Variants in TENT2 observed in about 807,000 individuals in gnomAD.
TENT2 encodes the protein poly(A) RNA polymerase GLD2.
Under a neutral mutation model 72.2 loss-of-function variants are expected in TENT2, and 44 were observed. The observed-to-expected ratio is 0.61, with a 90% confidence interval of 0.48 to 0.78. The LOEUF is 0.78. Among genes scored for constraint, TENT2 ranks in the 30% least tolerant of loss-of-function variants. TENT2 has a pLI of 0.00. For missense variants in TENT2, 541 were observed against 569.6 expected (o/e 0.95, Z 0.51); for synonymous variants, 212 against 192.5 (o/e 1.10, Z -0.84).
At chr5:79,652,452 G>A (rs1580457742) in intron 10 of TENT2, among the ~76,000 whole-genome samples, 1 of 151,934 alleles carries the variant, frequency 6.6e-6, no homozygotes, top group Admixed American at 6.6e-5. Context: ...AGGGTTATTT[G>A]TGGACAGTTT....
At chr5:79,663,566 A>G (rs566404620) in intron 11 of TENT2, among the ~76,000 whole-genome samples, 1 of 152,304 alleles carries the variant, frequency 6.6e-6, no homozygotes, top group South Asian at 2.1e-4. Flanking sequence ...AGATGGGGGA[A>G]TTGCCTGCCA....
rs1385738396 is a variant in TENT2 at position 79,625,951 on chromosome 5, C to G, written c.465+2462C>G. Among the ~76,000 whole-genome samples, 3 of 151,556 alleles carry G rather than the reference C, an allele frequency of 2.0e-5. No individual in the cohort carries two copies. In the South Asian group the frequency reaches 6.3e-4, roughly 32 times the overall value. ...TCAAGCGATTCTCCTGCTTCCGCCT[C>G]CTGAGTAGCTGGGATTACAGGTGTG... On this transcript the variant is annotated intron_variant, in intron 4 of 14. Transcript: ENST00000453514.
intron 14 of TENT2, among the ~76,000 whole-genome samples, chr5:79,684,258 A>G (rs899949021): frequency 3.0e-4 from 45 of 152,300 alleles, no homozygotes; most frequent in Middle Eastern, 3.4e-3. Flanking sequence ...AAAGTGCCTT[A>G]TTGTAAATTT....
chr5:79,681,008 A>C (rs1821247203), intron 13 of TENT2, among the ~76,000 whole-genome samples: 2 of 151,972 alleles, frequency 1.3e-5, no homozygotes, highest in African/African-American at 4.8e-5. Flanking sequence ...TGGTGTGAAC[A>C]TGGAAAGTAT....
intron 12 of TENT2, among the ~76,000 whole-genome samples, chr5:79,671,857 C>A (rs943094862): frequency 6.6e-6 from 1 of 151,964 alleles, no homozygotes; most frequent in Admixed American, 6.6e-5. Flanking sequence ...AATCCCAGCA[C>A]TTTGAGAGGC....
chr5:79,652,888 A>AT (rs954145937), intron 10 of TENT2, among the ~76,000 whole-genome samples: 1 of 151,750 alleles, frequency 6.6e-6, no homozygotes. Flanking sequence ...CTCTTAACAT[A>AT]TTTTTTTCAG....
intron 11 of TENT2, among the ~76,000 whole-genome samples, chr5:79,667,642 GAGAA>G (rs1809380288): frequency 6.6e-6 from 1 of 152,144 alleles, no homozygotes; most frequent in Non-Finnish European, 1.5e-5. Flanking sequence ...TTTATTCTGA[GAGAA>G]AGGTAATCAC....
intron 3 of TENT2, among the ~76,000 whole-genome samples, chr5:79,621,000 A>G (rs568182314): frequency 9.2e-5 from 14 of 152,302 alleles, no homozygotes; most frequent in African/African-American, 3.4e-4. Context: ...TTGAAATAAC[A>G]TTCGGCAATA....
chr5:79,625,876 C>T (rs931226690), intron 4 of TENT2, among the ~76,000 whole-genome samples: 1 of 151,654 alleles, frequency 6.6e-6, no homozygotes, highest in Non-Finnish European at 1.5e-5. Context: ...GCCGCCCAGG[C>T]TGGAGTGCAG....
At chr5:79,640,718 T>C in intron 4 of TENT2, 133 bp from the exon 5 acceptor site, 1 of 514,664 alleles carries the variant, frequency 1.9e-6, no homozygotes, top group Non-Finnish European at 3.4e-6. Context: ...AGCTTTGTTT[T>C]GGGAAATATT....
At chr5:79,660,382 G>T (rs966568632) in intron 11 of TENT2, among the ~76,000 whole-genome samples, 1 of 152,138 alleles carries the variant, frequency 6.6e-6, no homozygotes, top group Non-Finnish European at 1.5e-5. Flanking sequence ...ATATTACTAT[G>T]AGGGTTAACT....
At chr5:79,652,902 ACT>A (rs1795248780) in intron 10 of TENT2, among the ~76,000 whole-genome samples, 1 of 151,784 alleles carries the variant, frequency 6.6e-6, no homozygotes, top group South Asian at 2.1e-4. Context: ...TTTTCAGTGA[ACT>A]CTGTTCTCTT....
intron 4 of TENT2, among the ~76,000 whole-genome samples, chr5:79,639,717 G>A (rs1201373490): frequency 6.6e-6 from 1 of 152,082 alleles, no homozygotes; most frequent in Non-Finnish European, 1.5e-5. Flanking sequence ...GAGTGAGAAA[G>A]TGTGAACTGG....
At chr5:79,617,330 G>C (rs895352204) in intron 1 of TENT2, among the ~76,000 whole-genome samples, 10 of 151,554 alleles carry the variant, frequency 6.6e-5, no homozygotes, top group African/African-American at 1.9e-4. Context: ...AAAAAAATCA[G>C]TATATTCATT....
chr5:79,630,012 G>A (rs966877365), intron 4 of TENT2, among the ~76,000 whole-genome samples: 3 of 151,220 alleles, frequency 2.0e-5, no homozygotes, highest in African/African-American at 4.9e-5. Flanking sequence ...GGCGTGTGCC[G>A]TAGTCCCAGC....
chr5:79,615,992 G>A (rs372472681), intron 1 of TENT2, among the ~76,000 whole-genome samples: 2 of 151,926 alleles, frequency 1.3e-5, no homozygotes, highest in Admixed American at 6.6e-5. Context: ...AGGTTCAAGC[G>A]ATTCCCCTGC....
chr5:79,613,562 C>T (rs907271841), intron 1 of TENT2, among the ~76,000 whole-genome samples: 1 of 152,122 alleles, frequency 6.6e-6, no homozygotes, highest in Non-Finnish European at 1.5e-5. Context: ...AGCCATAAGG[C>T]TATTAATTTA....
intron 4 of TENT2, among the ~76,000 whole-genome samples, chr5:79,625,178 A>T (rs948005821): frequency 6.6e-6 from 1 of 152,052 alleles, no homozygotes; most frequent in African/African-American, 2.4e-5. Context: ...TCATTTGCTT[A>T]TTGGACATTT....
chr5:79,641,730 C>T (rs748224423), intron 6 of TENT2, among the ~76,000 whole-genome samples: 26 of 150,744 alleles, frequency 1.7e-4, no homozygotes, highest in South Asian at 4.2e-4. Context: ...TTTTCTTTAG[C>T]AACAATATTG....
Sources: allele counts gnomAD v4.1 joint callset (sites outside exome capture counted in the v4.1 genomes callset), GRCh38; gene constraint gnomAD v4.1.1; transcripts MANE v1.5; gene names NCBI Gene and HGNC (gene_info 2026-07-23, HGNC 2026-07-21).